The following EXTL1 variants were observed in gnomAD, a reference collection of about 807,000 sequenced individuals.
The protein encoded by EXTL1 is exostosin-like 1.
EXTL1 carries 43 observed loss-of-function variants against 64.6 expected under a neutral mutation model. The ratio of observed to expected loss-of-function variants is 0.67; its 90% CI spans 0.52 to 0.86. The LOEUF (loss-of-function observed/expected upper bound fraction) is 0.86. Ranked by LOEUF, EXTL1 falls within the 40% of genes least tolerant of loss-of-function variation. The pLI is 0.00. For missense variants in EXTL1, 766 were observed against 879.0 expected (o/e 0.87, Z 1.62); for synonymous variants, 352 against 360.5 (o/e 0.98, Z 0.27).
Position 26,029,254 on chromosome 1 carries a change from G to C in EXTL1, c.841G>C (p.Glu281Gln). ...CTGCCTCATCTCTGGCCACCGTCCCGAGGCTGCCTCGCGCTTCCTCCAAGC... is the reference window on the plus strand; with the variant it reads ...CTGCCTCATCTCTGGCCACCGTCCCCAGGCTGCCTCGCGCTTCCTCCAAGC... ...TFCLISGHRPEAASRFLQALQ... is the reference protein window; with the variant it reads ...TFCLISGHRPQAASRFLQALQ... The change falls in exon 2 of 11, where the codon GAG becomes CAG. Residue 281 changes from glutamate (E) to glutamine (Q), a missense_variant. Coordinates refer to ENST00000374280, the MANE Select transcript of EXTL1 (RefSeq NM_004455.3). The C allele has an allele frequency of 1.2e-6, 2 of 1,613,846 alleles. No homozygotes were observed. The highest frequency in any genetic ancestry group is 1.7e-6 in the Non-Finnish European group (2 of 1,179,904).
chr1:26,023,459 G>C, intron 1 of EXTL1, 34 bp downstream of exon 1: 1 of 1,424,812 alleles, frequency 7.0e-7, no homozygotes, highest in Non-Finnish European at 9.2e-7. Flanking sequence ...GGCTGGATGG[G>C]AGGGGGCTGG....
At chr1:26,024,657 C>G (rs1361231502) in intron 1 of EXTL1, among the ~76,000 whole-genome samples, 1 of 152,098 alleles carries the variant, frequency 6.6e-6, no homozygotes, top group African/African-American at 2.4e-5. Context: ...CTAGTGGTCT[C>G]CAAGGTGGGA....
Position 26,034,781 on chromosome 1 carries a change from G to A in EXTL1, c.1680-55G>A, listed in dbSNP as rs571688354. 1 of 1,564,206 alleles carries A rather than the reference G, an allele frequency of 6.4e-7. No homozygotes were observed. Among genetic ancestry groups the A allele is most frequent in the East Asian group, 2.3e-5 (1 of 44,402 alleles). On this transcript the variant is annotated intron_variant, in intron 9 of 10. Transcript: ENST00000374280. The surrounding 1 kb of genome is among the most constrained non-coding windows in gnomAD (Gnocchi z 4.6). ...AGGTGAGGTCAGGAGGGAGGAGAAT[G>A]GGGCCTGGGGATGGATTTGGCTGCA...
In EXTL1 at chr1:26,029,247, C is replaced by T; in HGVS notation, c.834C>T (p.His278=). 1 of 1,613,910 alleles carries T rather than the reference C, an allele frequency of 6.2e-7. No homozygotes were observed. The highest frequency in any genetic ancestry group is 1.1e-5 in the South Asian group (1 of 91,082). ...CCACCTTCTGCCTCATCTCTGGCCA[C>T]CGTCCCGAGGCTGCCTCGCGCTTCC... ...PNATFCLISG[H]RPEAASRFLQ... Residue 278 remains histidine, a synonymous_variant, in exon 2 of 11, where the codon CAC becomes CAT. Transcript: ENST00000374280.
At position 26,034,842 on chromosome 1, in the gene EXTL1, C is replaced by G; in HGVS notation, c.1686C>G (p.Tyr562Ter). The G allele has an allele frequency of 1.2e-6, 2 of 1,613,732 alleles. No homozygotes were observed. Among genetic ancestry groups the G allele is most frequent in the Non-Finnish European group, 1.7e-6 (2 of 1,179,742 alleles). ...GTCTTTTCCTCTTGCCCAGGTATTACCACACTCTCTTCACCCACTCCCTGC... is the reference window on the plus strand; with the variant it reads ...GTCTTTTCCTCTTGCCCAGGTATTAGCACACTCTCTTCACCCACTCCCTGC... ...LTTAAFYHRY[Y>*]HTLFTHSLPK... The change falls in exon 10 of 11, where the codon TAC (tyrosine) becomes TAG (stop). Residue 562 changes from tyrosine (Y) to a stop codon, truncating the protein, a stop_gained. Transcript: ENST00000374280. LOFTEE classifies it high-confidence loss of function. This position sits in a 1 kb window ranked among gnomAD's most constrained non-coding sequence, Gnocchi z 4.6.
rs2050159014 is a variant in EXTL1, at chr1:26,022,340, A to T, written c.-307A>T. 1 of 342,078 alleles carries T rather than the reference A, an allele frequency of 2.9e-6. No individual in the cohort carries two copies. Among genetic ancestry groups the T allele is most frequent in the Non-Finnish European group, 5.3e-6 (1 of 187,212 alleles). The allele number at this position is 342,078 out of a possible 1,614,324, so 21.2% of individuals were successfully genotyped here. A position where few individuals can be genotyped will look rare whatever the true frequency, so the allele number is the denominator to read the frequency against. On this transcript the variant is annotated 5_prime_UTR_variant, in exon 1 of 11. Coordinates refer to ENST00000374280, the MANE Select transcript of EXTL1 (RefSeq NM_004455.3). Reference sequence around the variant, plus strand: ...GTCAGCCAGAGCAGTGCCCAGGGGCAGGGGTCCCTGCTGGGAGGGAAAAGG... The same window carrying T: ...GTCAGCCAGAGCAGTGCCCAGGGGCTGGGGTCCCTGCTGGGAGGGAAAAGG...
Position 26,033,957 on chromosome 1 carries a change from G to C in EXTL1, c.1679+101G>C. 9.4e-7 allele frequency: 1 copy of C among 1,064,020 alleles called. No homozygotes were observed. Among genetic ancestry groups the C allele is most frequent in the Admixed American group, 3.6e-5 (1 of 28,076 alleles). 65.9% of individuals were successfully genotyped at this position (1,064,020 alleles called of 1,614,324 possible). ...AGTGGCCTAGACCCCAGGGATCCAGGTTCAAGGCCGAGATCTGCCACTTCC... is the reference window on the plus strand; with the variant it reads ...AGTGGCCTAGACCCCAGGGATCCAGCTTCAAGGCCGAGATCTGCCACTTCC... On this transcript the variant is annotated intron_variant, in intron 9 of 10. Transcript: ENST00000374280. The surrounding 1 kb of genome is among the most constrained non-coding windows in gnomAD (Gnocchi z 5.1).
rs1210869170 is a variant in EXTL1 at position 26,033,443 on chromosome 1, ACCCCAGCAAGCCAGGCAG to A, written c.1518+131_1518+148del. ...GGTCCAGCCTCTTGCATTTGAAACC[ACCCCAGCAAGCCAGGCAG>A]CCTCCTCTTTAGGAGTCTCGTTGAG... is the stretch of plus-strand genomic sequence containing the variant. On this transcript the variant is annotated intron_variant, in intron 8 of 10. Coordinates refer to ENST00000374280, the MANE Select transcript of EXTL1 (RefSeq NM_004455.3). This position sits in a 1 kb window ranked among gnomAD's most constrained non-coding sequence, Gnocchi z 5.1. 1.2e-6 allele frequency: 1 copy of A among 825,736 alleles called. No homozygotes were observed. The highest frequency in any genetic ancestry group is 2.0e-6 in the Non-Finnish European group (1 of 502,178). 51.2% of individuals were successfully genotyped at this position (825,736 alleles called of 1,614,324 possible).
rs747013506 is a variant in EXTL1 at position 26,030,502 on chromosome 1, C to G, written c.1008C>G (p.Ser336=). ...LQVLAALQEM[S]PARVLALRQQ... ...TCCTGGCTGCCCTCCAGGAGATGTC[C>G]CCTGCACGGGTCCTCGCCCTGCGTC... The change falls in exon 4 of 11, where the codon TCC becomes TCG. Residue 336 remains serine, a synonymous_variant. Transcript: ENST00000374280. The G allele has an allele frequency of 6.2e-7, 1 of 1,613,172 alleles. No individual in the cohort carries two copies. Among genetic ancestry groups the G allele is most frequent in the Admixed American group, 1.7e-5 (1 of 60,012 alleles).
At position 26,033,367 on chromosome 1, in the gene EXTL1, G is replaced by A; in HGVS notation, c.1518+52G>A. Reference sequence around the variant, plus strand: ...AGTGTGGGTAGACACAGAGCCAGAGGGCCCTGGCAGCCCCTCAGGTTCCCA... The same window carrying A: ...AGTGTGGGTAGACACAGAGCCAGAGAGCCCTGGCAGCCCCTCAGGTTCCCA... On this transcript the variant is annotated intron_variant, in intron 8 of 10. Coordinates refer to ENST00000374280, the MANE Select transcript of EXTL1 (RefSeq NM_004455.3). The surrounding 1 kb of genome is among the most constrained non-coding windows in gnomAD (Gnocchi z 5.1). The A allele has an allele frequency of 6.7e-7, 1 of 1,496,196 alleles. No homozygotes were observed. The highest frequency in any genetic ancestry group is 1.1e-5 in the South Asian group (1 of 88,726). 92.7% of individuals were successfully genotyped at this position (1,496,196 alleles called of 1,614,324 possible).
At chr1:26,026,928 C>G (rs1372014312) in intron 1 of EXTL1, among the ~76,000 whole-genome samples, 2 of 152,340 alleles carry the variant, frequency 1.3e-5, no homozygotes, top group Non-Finnish European at 2.9e-5. Flanking sequence ...CATCCAGTCT[C>G]TACTTATTTC....
rs747113376 is a variant in EXTL1, at chr1:26,035,256, T to A, written c.1940T>A (p.Leu647Ter). 28 of 1,613,522 alleles carry A rather than the reference T, an allele frequency of 1.7e-5. No homozygotes were observed. Among genetic ancestry groups the A allele is most frequent in the Non-Finnish European group, 2.3e-5 (27 of 1,179,928 alleles). Residue 647 changes from leucine to a stop codon, truncating the protein, a stop_gained, in exon 11 of 11, where the codon TTG (leucine) becomes TAG (stop). Transcript: ENST00000374280. LOFTEE classifies it high-confidence loss of function. The surrounding 1 kb of genome is among the most constrained non-coding windows in gnomAD (Gnocchi z 5.3). ...GCGGCAGCGTTCGGCCACATGCCCTTGCTGTCCTCTCGTCTGCGTCTGGAC... is the reference window on the plus strand; with the variant it reads ...GCGGCAGCGTTCGGCCACATGCCCTAGCTGTCCTCTCGTCTGCGTCTGGAC... Reference protein sequence around the residue: ...QIAAAFGHMPLLSSRLRLDPV... With the variant: ...QIAAAFGHMP
In EXTL1 at chr1:26,035,674, T is replaced by G; in HGVS notation, c.*327T>G. The G allele has an allele frequency of 1.1e-5, 3 of 273,238 alleles. No individual in the cohort carries two copies. The highest frequency in any genetic ancestry group is 6.6e-5 in the East Asian group (1 of 15,104). 16.9% of individuals were successfully genotyped at this position (273,238 alleles called of 1,614,324 possible). A position where few individuals can be genotyped will look rare whatever the true frequency, so the allele number is the denominator to read the frequency against. On this transcript the variant is annotated 3_prime_UTR_variant, in exon 11 of 11. Transcript: ENST00000374280. The surrounding 1 kb of genome is among the most constrained non-coding windows in gnomAD (Gnocchi z 5.3). ...GGCCCTCCTCCCCCTCCGCCCCCAA[T>G]GGGTTCGGTCTCCTTTGCGCTTTCG...
At chr1:26,027,692 A>AAAAAAAAAAAAAAAGAAAAG (rs1318104777) in intron 1 of EXTL1, among the ~76,000 whole-genome samples, 2,643 of 145,594 alleles carry the variant, frequency 0.018, 131 homozygotes, top group East Asian at 0.084. Flanking sequence ...CCATCTCTAA[A>AAAAAAAAAAAAAAAGAAAAG]AAAAAAAAAA....
At chr1:26,028,281 C>G (rs1236389240) in intron 1 of EXTL1, among the ~76,000 whole-genome samples, 1 of 152,236 alleles carries the variant, frequency 6.6e-6, no homozygotes, top group African/African-American at 2.4e-5. Flanking sequence ...TGAGCCAGTC[C>G]TTGGGTCTCT....
chr1:26,023,266 T>C lies in EXTL1; in HGVS notation c.620T>C (p.Leu207Ser). The C allele has an allele frequency of 6.3e-7, 1 of 1,586,178 alleles. No individual in the cohort carries two copies. Among genetic ancestry groups the C allele is most frequent in the East Asian group, 2.3e-5 (1 of 44,374 alleles). The change falls in exon 1 of 11, where the codon TTG becomes TCG. Residue 207 changes from leucine to serine, a missense_variant. By Grantham distance (145) the Leu-to-Ser change is moderately radical. Transcript: ENST00000374280. ...ALPFLPEAHP[L>S]RGGAPGQLRQ... ...CCTTTTCTCCCTGAAGCCCACCCGTTGCGAGGTGGGGCTCCTGGCCAGCTG... is the reference window on the plus strand; with the variant it reads ...CCTTTTCTCCCTGAAGCCCACCCGTCGCGAGGTGGGGCTCCTGGCCAGCTG...
rs74680823 is a variant in EXTL1, at chr1:26,030,663, C to T, written c.1101+68C>T. 3,733 of 1,516,662 alleles carry T rather than the reference C, an allele frequency of 2.5e-3. 78 individuals are homozygous for T. In the African/African-American group the frequency reaches 0.044, roughly 18 times the overall value. The allele number at this position is 1,516,662 out of a possible 1,614,324, so 94.0% of individuals were successfully genotyped here. Reference sequence around the variant, plus strand: ...GCTTCATCCCTGTCACCTCTCCATACTTCTCTGCCACAGTGTTTGGGGAAC... The same window carrying T: ...GCTTCATCCCTGTCACCTCTCCATATTTCTCTGCCACAGTGTTTGGGGAAC... On this transcript the variant is annotated intron_variant, in intron 4 of 10. Coordinates refer to ENST00000374280, the MANE Select transcript of EXTL1 (RefSeq NM_004455.3).
Position 26,035,042 on chromosome 1 carries a change from T to C in EXTL1, c.1848+38T>C. The C allele has an allele frequency of 6.2e-7, 1 of 1,609,728 alleles. No homozygotes were observed. Among genetic ancestry groups the C allele is most frequent in the Non-Finnish European group, 8.5e-7 (1 of 1,176,748 alleles). On this transcript the variant is annotated intron_variant, in intron 10 of 10. Coordinates refer to ENST00000374280, the MANE Select transcript of EXTL1 (RefSeq NM_004455.3). This position sits in a 1 kb window ranked among gnomAD's most constrained non-coding sequence, Gnocchi z 5.3. ...GGGGATTGGTCGGAACTGGCAGGGATTGGGCGGGGATGCCGGAGAGGATTC... is the reference window on the plus strand; with the variant it reads ...GGGGATTGGTCGGAACTGGCAGGGACTGGGCGGGGATGCCGGAGAGGATTC...
At position 26,033,785 on chromosome 1, in the gene EXTL1, T is replaced by G; in HGVS notation, c.1608T>G (p.Gly536=). The change falls in exon 9 of 11, where the codon GGT becomes GGG. Residue 536 remains glycine, a synonymous_variant. Transcript: ENST00000374280. This position sits in a 1 kb window ranked among gnomAD's most constrained non-coding sequence, Gnocchi z 5.1. ...TSSHFWDEAH[G]GWGYTAERTN... is the part of the protein sequence containing the mutation. ...GCCATTTCTGGGACGAGGCCCATGG[T>G]GGCTGGGGCTACACTGCTGAGAGGA... 1 of 1,614,166 alleles carries G rather than the reference T, an allele frequency of 6.2e-7. No individual in the cohort carries two copies. The highest frequency in any genetic ancestry group is 8.5e-7 in the Non-Finnish European group (1 of 1,180,010).
Sources: allele counts gnomAD v4.1 joint callset (sites outside exome capture counted in the v4.1 genomes callset), GRCh38; gene constraint gnomAD v4.1.1; non-coding constraint Gnocchi (gnomAD v3.1); transcripts MANE v1.5; gene names NCBI Gene and HGNC (gene_info 2026-07-23, HGNC 2026-07-21).